The following SPARCL1 variants were observed in gnomAD, a reference collection of about 807,000 sequenced individuals.
SPARCL1 encodes the protein SPARC-like protein 1.
A neutral mutation model predicts 67.1 loss-of-function variants in SPARCL1; 52 were observed. That is an observed-to-expected ratio of 0.78 (90% CI 0.62 to 0.98). SPARCL1 has a LOEUF of 0.98. Ranked by LOEUF, SPARCL1 falls within the 50% of genes least tolerant of loss-of-function variation. The pLI, the probability that SPARCL1 is intolerant of heterozygous loss-of-function variation, is 0.00. For synonymous variants in SPARCL1, 226 were observed against 267.8 expected (o/e 0.84, Z 1.52); for missense variants, 717 against 782.4 (o/e 0.92, Z 1.00).
At chr4:87,512,956 A>G (rs1030993511) in intron 1 of SPARCL1, among the ~76,000 whole-genome samples, 2 of 152,202 alleles carry the variant, frequency 1.3e-5, no homozygotes, top group African/African-American at 2.4e-5. Flanking sequence ...ATAAAATAGT[A>G]TGAAGATTAA....
intron 1 of SPARCL1, chr4:87,528,072 T>A (rs1425331517): frequency 1.3e-5 from 2 of 152,192 alleles, no homozygotes; most frequent in African/African-American, 2.4e-5. Flanking sequence ...GGTGACATAT[T>A]TAACCTCTTT....
rs373458954 is a variant in SPARCL1, at chr4:87,479,554, A to C, written c.1842T>G (p.Ala614=). Reference sequence around the variant, plus strand: ...TGGGCACCAGAGATGCTCGCAGAGGAGCAAGTTCAGAATGTGTCAAGACTC... The same window carrying C: ...TGGGCACCAGAGATGCTCGCAGAGGCGCAAGTTCAGAATGTGTCAAGACTC... ...MDRVLTHSEL[A]PLRASLVPME... The change falls in exon 10 of 11, where the codon GCT becomes GCG. Residue 614 remains alanine, a synonymous_variant. Transcript: ENST00000282470. 7.4e-5 allele frequency: 120 copies of C among 1,614,016 alleles called. No homozygotes were observed. The highest frequency in any genetic ancestry group is 1.0e-4 in the Non-Finnish European group (118 of 1,180,030).
At chr4:87,486,998 G>C (rs1724103360) in intron 7 of SPARCL1, among the ~76,000 whole-genome samples, 2 of 140,476 alleles carry the variant, frequency 1.4e-5, no homozygotes, top group South Asian at 4.6e-4. Context: ...TTGCATGTGA[G>C]CTGGGTCTCC....
chr4:87,518,960 T>G (rs1447209706), intron 1 of SPARCL1, among the ~76,000 whole-genome samples: 1 of 152,200 alleles, frequency 6.6e-6, no homozygotes, highest in South Asian at 2.1e-4. Flanking sequence ...TAAGACAGCA[T>G]GAACATCTGA....
rs137962434 is a variant in SPARCL1, at chr4:87,494,169, C to T, written c.631G>A (p.Val211Ile). The T allele has an allele frequency of 2.5e-6, 4 of 1,613,940 alleles. No homozygotes were observed. The highest frequency in any genetic ancestry group is 3.4e-6 in the Non-Finnish European group (4 of 1,180,024). Reference protein sequence around the residue: ...EEEEEKEPGEVGTHNDNQERK... With the variant: ...EEEEEKEPGEIGTHNDNQERK... ...TCTTGGTTATCATTGTGGGTACCAA[C>T]TTCACCTGGCTCTTTTTCTTCTTCC... The change falls in exon 4 of 11, where the codon GTT becomes ATT. Residue 211 changes from valine to isoleucine, a missense_variant. By Grantham distance (29) the Val-to-Ile change is conservative (BLOSUM62 3). Transcript: ENST00000282470.
At chr4:87,498,973 A>G (rs1465113329) in intron 2 of SPARCL1, among the ~76,000 whole-genome samples, 1 of 151,588 alleles carries the variant, frequency 6.6e-6, no homozygotes, top group Non-Finnish European at 1.5e-5. Context: ...TCCTGGGTTC[A>G]ATTGATTCTC....
chr4:87,499,135 C>T (rs2169502), intron 2 of SPARCL1, among the ~76,000 whole-genome samples: 39,504 of 152,080 alleles, frequency 0.26, 5,537 homozygotes, highest in South Asian at 0.48. Context: ...CTCAGCCTCC[C>T]GAAGTGCTGG....
intron 1 of SPARCL1, among the ~76,000 whole-genome samples, chr4:87,521,750 T>A (rs1725827717): frequency 6.6e-6 from 1 of 152,238 alleles, no homozygotes; most frequent in African/African-American, 2.4e-5. Flanking sequence ...GAGGTTTGTC[T>A]TGTTACTTTC....
intron 7 of SPARCL1, among the ~76,000 whole-genome samples, chr4:87,489,216 G>T (rs1724203109): frequency 6.6e-6 from 1 of 152,232 alleles, no homozygotes; most frequent in African/African-American, 2.4e-5. Context: ...GGGTCCTGGT[G>T]GTGTAGGCAC....
Position 87,493,732 on chromosome 4 carries a change from A to T in SPARCL1, c.1068T>A (p.Ser356Arg). Residue 356 changes from serine (S) to arginine (R), a missense_variant, in exon 4 of 11, where the codon AGT becomes AGA. By Grantham distance (110) the Ser-to-Arg change is moderately radical (BLOSUM62 -1). Transcript: ENST00000282470. ...DDGGTDGPRH[S>R]ASDDYFIPSQ... ...TTGGGATGAAGTAGTCATCACTTGCACTGTGCCTGGGGCCATCAGTGCCGC... is the reference window on the plus strand; with the variant it reads ...TTGGGATGAAGTAGTCATCACTTGCTCTGTGCCTGGGGCCATCAGTGCCGC... The T allele has an allele frequency of 6.2e-7, 1 of 1,614,140 alleles. No individual in the cohort carries two copies. The highest frequency in any genetic ancestry group is 8.5e-7 in the Non-Finnish European group (1 of 1,180,026).
chr4:87,521,721 A>T (rs886332870), intron 1 of SPARCL1, among the ~76,000 whole-genome samples: 3 of 152,226 alleles, frequency 2.0e-5, no homozygotes. Context: ...AAGACATACC[A>T]TGTGTACTAG....
intron 10 of SPARCL1, among the ~76,000 whole-genome samples, chr4:87,476,219 C>T (rs1450480824): frequency 2.0e-5 from 3 of 152,192 alleles, no homozygotes; most frequent in Admixed American, 1.3e-4. Flanking sequence ...GAGCCAGGGA[C>T]CTAGGCATTG....
intron 2 of SPARCL1, among the ~76,000 whole-genome samples, chr4:87,496,710 A>G (rs1724634088): frequency 6.6e-6 from 1 of 152,222 alleles, no homozygotes; most frequent in Non-Finnish European, 1.5e-5. Flanking sequence ...TGAGGCAGAT[A>G]TTCACCATGG....
chr4:87,495,217 A>G (rs1038819151), intron 2 of SPARCL1, 90 bp from the exon 3 acceptor site: 6 of 1,037,650 alleles, frequency 5.8e-6, no homozygotes, highest in Non-Finnish European at 8.7e-6. Flanking sequence ...CATTATTAGT[A>G]GCAATATACT....
In SPARCL1 at chr4:87,490,877, A is replaced by G; in HGVS notation, c.1293T>C (p.Asp431=). ...SEGNMRVHAV[D]SCMSFQCKRG... Reference sequence around the variant, plus strand: ...TTTTACACTGGAAGCTCATGCAAGAATCTAACAGAAAAGATTGGGCAGGAA... The same window carrying G: ...TTTTACACTGGAAGCTCATGCAAGAGTCTAACAGAAAAGATTGGGCAGGAA... Residue 431 remains aspartate (D), a splice_region_variant and synonymous_variant, in exon 6 of 11, where the codon GAT becomes GAC. Coordinates refer to ENST00000282470, the MANE Select transcript of SPARCL1 (RefSeq NM_004684.6). The G allele has an allele frequency of 6.4e-7, 1 of 1,561,450 alleles. No individual in the cohort carries two copies. Among genetic ancestry groups the G allele is most frequent in the African/African-American group, 1.4e-5 (1 of 73,560 alleles).
intron 7 of SPARCL1, among the ~76,000 whole-genome samples, chr4:87,489,419 C>T (rs1443862169): frequency 6.6e-6 from 1 of 152,160 alleles, no homozygotes; most frequent in Non-Finnish European, 1.5e-5. Flanking sequence ...GTGAGCTGCA[C>T]CCACTGTCTA....
chr4:87,478,635 A>G (rs1723679091), intron 10 of SPARCL1, among the ~76,000 whole-genome samples: 1 of 151,884 alleles, frequency 6.6e-6, no homozygotes, highest in African/African-American at 2.4e-5. Flanking sequence ...GCGGGGTTTC[A>G]CCATGTTGGC....
chr4:87,516,462 C>T (rs1725587026), intron 1 of SPARCL1, among the ~76,000 whole-genome samples: 1 of 152,180 alleles, frequency 6.6e-6, no homozygotes. Flanking sequence ...ACATTTTTGT[C>T]TTAGACCATT....
chr4:87,494,223 G>C lies in SPARCL1; in HGVS notation c.577C>G (p.Gln193Glu), dbSNP rs374399808. Residue 193 changes from glutamine (Q) to glutamate (E), a missense_variant, in exon 4 of 11, where the codon CAG becomes GAG. Physicochemically the swap from Gln to Glu is conservative, Grantham distance 29. Transcript: ENST00000282470. ...QGLRDQGNQEQDPNISNGEEE... is the reference protein window; with the variant it reads ...QGLRDQGNQEEDPNISNGEEE... Reference sequence around the variant, plus strand: ...TCTCCATTGGAAATATTTGGATCCTGCTCTTGGTTTCCTTGATCCCTTAGG... The same window carrying C: ...TCTCCATTGGAAATATTTGGATCCTCCTCTTGGTTTCCTTGATCCCTTAGG... 8.1e-6 allele frequency: 13 copies of C among 1,613,906 alleles called. No individual in the cohort carries two copies. The African/African-American group carries it at 1.7e-4, about 22-fold the overall frequency.
Sources: allele counts gnomAD v4.1 joint callset (sites outside exome capture counted in the v4.1 genomes callset), GRCh38; gene constraint gnomAD v4.1.1; transcripts MANE v1.5; gene names NCBI Gene and HGNC (gene_info 2026-07-23, HGNC 2026-07-21).